Variants in FAM13A observed in about 807,000 individuals in gnomAD.
The protein encoded by FAM13A is family with sequence similarity 13 member A, also known as protein FAM13A.
FAM13A carries 76 observed loss-of-function variants against 129.6 expected under a neutral mutation model. The observed-to-expected ratio is 0.59, with a 90% CI of 0.49 to 0.71. The LOEUF is 0.71. FAM13A is among the 30% of genes least tolerant of loss of function. The pLI, the probability that FAM13A is intolerant of heterozygous loss-of-function variation, is 0.00. For missense variants in FAM13A, 1,108 were observed against 1,249.3 expected, an observed-to-expected ratio of 0.89 and a Z score of 1.70; for synonymous variants, 443 against 449.9, an observed-to-expected ratio of 0.98 and a Z score of 0.20.
At chr4:88,911,143 C>A (rs953053542) in intron 5 of FAM13A, among the ~76,000 whole-genome samples, 1 of 152,150 alleles carries the variant, frequency 6.6e-6, no homozygotes, top group Non-Finnish European at 1.5e-5. Flanking sequence ...GCTTTTAGTC[C>A]CTTCTTAATT....
At chr4:88,987,774 G>A (rs949123335) in intron 4 of FAM13A, among the ~76,000 whole-genome samples, 2 of 135,798 alleles carry the variant, frequency 1.5e-5, no homozygotes, top group South Asian at 2.4e-4. Context: ...CCCGGGAGGC[G>A]GAGCTTGCAG....
chr4:88,811,916 GAT>G (rs1456200922), intron 7 of FAM13A, among the ~76,000 whole-genome samples: 2 of 152,154 alleles, frequency 1.3e-5, no homozygotes, highest in Admixed American at 1.3e-4. Context: ...TTTAAGAGGT[GAT>G]TACTTAATAA....
Position 88,733,165 on chromosome 4 carries a change from G to A in FAM13A, c.2647-967C>T, listed in dbSNP as rs147115588. Among the ~76,000 whole-genome samples the A allele has an allele frequency of 5.2e-4, 79 of 152,342 alleles. 1 individual carries two copies. The highest frequency in any genetic ancestry group is 9.6e-4 in the East Asian group (5 of 5,186). ...TGCAGCAAAAACATCTCAGGAGGCCGCAGCAGTTCCCGCTGGCGGGCAAAG... is the reference window on the plus strand; with the variant it reads ...TGCAGCAAAAACATCTCAGGAGGCCACAGCAGTTCCCGCTGGCGGGCAAAG... On this transcript the variant is annotated intron_variant, in intron 21 of 23. Transcript: ENST00000264344.
intron 14 of FAM13A, among the ~76,000 whole-genome samples, chr4:88,750,960 A>C (rs1273725702): frequency 6.6e-6 from 1 of 152,206 alleles, no homozygotes; most frequent in African/African-American, 2.4e-5. Context: ...TGATGGCATC[A>C]ATGAAAAGAA....
At chr4:88,932,792 G>A (rs1753252173) in intron 5 of FAM13A, among the ~76,000 whole-genome samples, 1 of 152,096 alleles carries the variant, frequency 6.6e-6, no homozygotes, top group African/African-American at 2.4e-5. Context: ...ATTAATGTGG[G>A]CACTTCCTTC....
At chr4:88,809,861 C>T (rs1729307234) in intron 7 of FAM13A, among the ~76,000 whole-genome samples, 3 of 149,250 alleles carry the variant, frequency 2.0e-5, no homozygotes, top group Admixed American at 2.0e-4. Flanking sequence ...AAAAAAGTCC[C>T]GGTGGGCTTT....
chr4:88,993,880 A>T (rs1763221233), intron 3 of FAM13A, among the ~76,000 whole-genome samples: 2 of 151,750 alleles, frequency 1.3e-5, no homozygotes, highest in African/African-American at 4.8e-5. Context: ...AATCCCAGCT[A>T]CTCAGGAGGC....
intron 7 of FAM13A, among the ~76,000 whole-genome samples, chr4:88,835,706 C>T (rs996716708): frequency 1.3e-5 from 2 of 151,930 alleles, no homozygotes; most frequent in Non-Finnish European, 2.9e-5. Flanking sequence ...AGATCCCTTG[C>T]ATGTGTAGTT....
intron 6 of FAM13A, among the ~76,000 whole-genome samples, chr4:88,904,900 A>C (rs1417569716): frequency 6.6e-6 from 1 of 152,190 alleles, no homozygotes; most frequent in African/African-American, 2.4e-5. Flanking sequence ...TCATATCTAT[A>C]ATAGTTTTTA....
Position 88,961,230 on chromosome 4 carries a change from C to T in FAM13A, c.606-22989G>A, listed in dbSNP as rs990628000. ...GCAATGAAAGCTTTAAAACAAAATACACATTTAAAAATAGAATAAGTTTAC... is the reference window on the plus strand; with the variant it reads ...GCAATGAAAGCTTTAAAACAAAATATACATTTAAAAATAGAATAAGTTTAC... On this transcript the variant is annotated intron_variant, in intron 4 of 23. Coordinates refer to ENST00000264344, the MANE Select transcript of FAM13A (RefSeq NM_014883.4). Among the ~76,000 whole-genome samples, 3 of 151,230 alleles carry T rather than the reference C, an allele frequency of 2.0e-5. No homozygotes were observed. The South Asian group carries it at 6.3e-4, about 32-fold the overall frequency.
chr4:88,958,571 A>G (rs1295969526), intron 4 of FAM13A, among the ~76,000 whole-genome samples: 1 of 152,204 alleles, frequency 6.6e-6, no homozygotes, highest in East Asian at 1.9e-4. Context: ...AGAGTTAAGG[A>G]GGTCTGGCAG....
intron 4 of FAM13A, among the ~76,000 whole-genome samples, chr4:88,958,057 C>G (rs1290117009): frequency 1.3e-5 from 2 of 151,198 alleles, no homozygotes; most frequent in Non-Finnish European, 2.9e-5. Flanking sequence ...GCAGCCTGGC[C>G]AAGCGTCAGA....
intron 6 of FAM13A, among the ~76,000 whole-genome samples, chr4:88,906,016 G>A (rs550865039): frequency 4.8e-4 from 73 of 152,308 alleles, no homozygotes; most frequent in African/African-American, 1.7e-3. Context: ...GGCCGGGCAT[G>A]GTGGCTCACG....
chr4:88,864,473 A>G lies in FAM13A; in HGVS notation c.844-13290T>C, dbSNP rs564388372. On this transcript the variant is annotated intron_variant, in intron 6 of 23. Transcript: ENST00000264344. ...CACCAGGCTGGAGTGCAGTGGCACG[A>G]TATCAGCTTACTGCAAGCTCCACCT... is the stretch of plus-strand genomic sequence containing the variant. Among the ~76,000 whole-genome samples the G allele has an allele frequency of 2.0e-5, 3 of 152,350 alleles. No homozygotes were observed. In the East Asian group the frequency reaches 5.8e-4, roughly 29 times the overall value.
intron 6 of FAM13A, among the ~76,000 whole-genome samples, chr4:88,886,966 TA>T (rs1744529051): frequency 6.6e-6 from 1 of 151,148 alleles, no homozygotes; most frequent in Non-Finnish European, 1.5e-5. Context: ...TACTCAGCCA[TA>T]AAAAGGAACA....
chr4:88,868,460 T>G (rs1427192654), intron 6 of FAM13A, among the ~76,000 whole-genome samples: 2 of 152,184 alleles, frequency 1.3e-5, no homozygotes, highest in Non-Finnish European at 2.9e-5. Flanking sequence ...CCCTTCCCAC[T>G]TCTCATTTGG....
chr4:88,868,175 T>G (rs537652669), intron 6 of FAM13A, among the ~76,000 whole-genome samples: 1 of 152,322 alleles, frequency 6.6e-6, no homozygotes, highest in South Asian at 2.1e-4. Context: ...AACTCTATAA[T>G]GAATACCCAA....
At chr4:88,964,424 TA>T (rs1348221687) in intron 4 of FAM13A, among the ~76,000 whole-genome samples, 1 of 152,040 alleles carries the variant, frequency 6.6e-6, no homozygotes, top group Admixed American at 6.6e-5. Flanking sequence ...GTTTTGGGAT[TA>T]AAAAAATATT....
chr4:88,803,829 T>TA (rs1216697400), intron 8 of FAM13A, among the ~76,000 whole-genome samples: 1 of 152,238 alleles, frequency 6.6e-6, no homozygotes, highest in Non-Finnish European at 1.5e-5. Flanking sequence ...CCTGAAGTCC[T>TA]ATGACACATT....
Sources: gnomAD v4.1 joint callset for allele counts (sites outside exome capture counted in the v4.1 genomes callset) on GRCh38, gnomAD v4.1.1 for gene constraint, MANE v1.5 for transcripts, NCBI Gene and HGNC (gene_info 2026-07-23, HGNC 2026-07-21) for gene names.